The following DOCK8 variants were observed in gnomAD, a reference collection of about 807,000 sequenced individuals.
The protein encoded by DOCK8 is dedicator of cytokinesis 8, also known as dedicator of cytokinesis protein 8.
In DOCK8, 141 loss-of-function variants were observed where a neutral mutation model predicts 245.6. That is an observed-to-expected ratio of 0.57 (90% CI 0.50 to 0.66). DOCK8 has a LOEUF of 0.66. Ranked by LOEUF, DOCK8 falls within the 30% of genes least tolerant of loss-of-function variation. The pLI, the probability that DOCK8 is intolerant of heterozygous loss-of-function variation, is 0.00. For missense variants in DOCK8, 2,965 were observed against 2,603.4 expected (o/e 1.14, Z -3.02); for synonymous variants, 1,168 against 970.2 (o/e 1.20, Z -3.79).
At chr9:336,347 G>A (rs916811146) in intron 11 of DOCK8, among the ~76,000 whole-genome samples, 11 of 152,214 alleles carry the variant, frequency 7.2e-5, no homozygotes, top group African/African-American at 2.2e-4. Flanking sequence ...TTTCCATGTG[G>A]GAGGGGCCCA....
At chr9:450,493 C>T (rs113097595) in intron 45 of DOCK8, among the ~76,000 whole-genome samples, 1 of 152,198 alleles carries the variant, frequency 6.6e-6, no homozygotes, top group Non-Finnish European at 1.5e-5. Flanking sequence ...CAGCATGGTG[C>T]TCAAGCAGTC....
At chr9:242,105 C>T (rs971626550) in intron 1 of DOCK8, among the ~76,000 whole-genome samples, 1 of 152,198 alleles carries the variant, frequency 6.6e-6, no homozygotes, top group Non-Finnish European at 1.5e-5. Context: ...TTAGACGAAT[C>T]ATACATTTCA....
intron 30 of DOCK8, chr9:420,082 C>T (rs1022431085): frequency 2.9e-5 from 12 of 413,122 alleles, no homozygotes; most frequent in Admixed American, 2.5e-4. Flanking sequence ...GATTGCAGCA[C>T]GCATGATCAA....
intron 9 of DOCK8, among the ~76,000 whole-genome samples, chr9:329,681 A>G (rs1378967110): frequency 1.3e-5 from 2 of 152,204 alleles, no homozygotes; most frequent in Non-Finnish European, 2.9e-5. Context: ...TCAGCCTAGG[A>G]AACTGAAGAA....
chr9:430,548 C>T (rs906265982), intron 36 of DOCK8, among the ~76,000 whole-genome samples: 2 of 151,094 alleles, frequency 1.3e-5, no homozygotes, highest in African/African-American at 4.9e-5. Flanking sequence ...GGTGTGGTGG[C>T]ACACACGCCC....
rs750973745 is a variant in DOCK8 at position 286,500 on chromosome 9, G to A, written c.196G>A (p.Gly66Arg). ...YDPVEPVDFE[G>R]LLMTHLNSLD... is the part of the protein sequence containing the mutation. ...CCCTGTGGAGCCAGTGGACTTTGAA[G>A]GACTTCTGATGACACACCTGAACAG... Residue 66 changes from glycine to arginine, a missense_variant, in exon 3 of 48, where the codon GGA becomes AGA. Gly to Arg is a moderately radical substitution (Grantham distance 125, BLOSUM62 -2). Coordinates refer to ENST00000432829, the MANE Select transcript of DOCK8 (RefSeq NM_203447.4). The A allele has an allele frequency of 6.2e-7, 1 of 1,614,016 alleles. No homozygotes were observed. Among genetic ancestry groups the A allele is most frequent in the East Asian group, 2.2e-5 (1 of 44,882 alleles).
chr9:231,112 C>A (rs990717397), intron 1 of DOCK8, among the ~76,000 whole-genome samples: 1 of 152,150 alleles, frequency 6.6e-6, no homozygotes, highest in African/African-American at 2.4e-5. Context: ...TTTCAGCTTT[C>A]TACATATGGC....
chr9:282,980 T>C (rs201228744), intron 2 of DOCK8, among the ~76,000 whole-genome samples: 123 of 152,358 alleles, frequency 8.1e-4, no homozygotes, highest in Middle Eastern at 3.4e-3. Flanking sequence ...GCCAATCTTA[T>C]GAGAAGCTCA....
At chr9:263,917 A>G (rs2047980072) in intron 1 of DOCK8, among the ~76,000 whole-genome samples, 3 of 152,206 alleles carry the variant, frequency 2.0e-5, no homozygotes, top group Admixed American at 1.3e-4. Context: ...TGATGTGTCT[A>G]GGTTTGATTT....
At chr9:267,646 G>C (rs914131311) in intron 1 of DOCK8, among the ~76,000 whole-genome samples, 1 of 152,160 alleles carries the variant, frequency 6.6e-6, no homozygotes, top group African/African-American at 2.4e-5. Flanking sequence ...TTATACTGTT[G>C]TGTGTTTGTA....
intron 26 of DOCK8, among the ~76,000 whole-genome samples, chr9:400,985 T>TCCACCATCACCA (rs2055043609): frequency 1.3e-5 from 1 of 75,834 alleles, no homozygotes; most frequent in East Asian, 4.4e-4. Context: ...CATCACCACC[T>TCCACCATCACCA]CCTCCACCAC....
At chr9:400,862 TCCACCA>T (rs2054976788) in intron 26 of DOCK8, among the ~76,000 whole-genome samples, 2 of 61,248 alleles carry the variant, frequency 3.3e-5, no homozygotes, top group Non-Finnish European at 5.7e-5. Context: ...CACCACCTCC[TCCACCA>T]TCACCACCAC....
intron 1 of DOCK8, among the ~76,000 whole-genome samples, chr9:217,185 G>A (rs1438914850): frequency 6.6e-6 from 1 of 152,196 alleles, no homozygotes; most frequent in Admixed American, 6.5e-5. Flanking sequence ...TGCTTGTAGT[G>A]TCTGGCTCAG....
In DOCK8 at chr9:414,966, G is replaced by A. The variant is rs550285364; in HGVS notation, c.3700+15G>A. On this transcript the variant is annotated intron_variant, in intron 29 of 47. Transcript: ENST00000432829. The stretch of plus-strand genomic sequence containing the variant: ...TGACTTTACAGGTAATGGCCCTTCT[G>A]TTTTCTTTCTTGGATTGTTGGGGGC... 1 of 1,612,636 alleles carries A rather than the reference G, an allele frequency of 6.2e-7. No homozygotes were observed. The highest frequency in any genetic ancestry group is 1.3e-5 in the African/African-American group (1 of 74,970).
chr9:420,186 C>A, intron 30 of DOCK8: 1 of 609,016 alleles, frequency 1.6e-6, no homozygotes, highest in South Asian at 1.9e-5. Context: ...CCCAGGTGAG[C>A]CTCTTTGCTG....
chr9:253,120 A>G lies in DOCK8; in HGVS notation c.54-18507A>G, dbSNP rs559033811. 4.6e-5 allele frequency among the ~76,000 whole-genome samples: 7 copies of G among 152,210 alleles called. No individual in the cohort carries two copies. The South Asian group carries it at 1.5e-3, about 32-fold the overall frequency. On this transcript the variant is annotated intron_variant, in intron 1 of 47. Transcript: ENST00000432829. ...CACCATTGCTTTTTTGGGACCCATT[A>G]TCTTCCTTAGCTTCCTATGCATCTA... is the stretch of plus-strand genomic sequence containing the variant.
chr9:308,927 G>C (rs7043443), intron 5 of DOCK8, among the ~76,000 whole-genome samples: 2 of 152,316 alleles, frequency 1.3e-5, no homozygotes, highest in East Asian at 3.9e-4. Flanking sequence ...AAAGTGCTGA[G>C]ATTACAGGCA....
chr9:292,394 A>AAC (rs2049082127), intron 4 of DOCK8, among the ~76,000 whole-genome samples: 1 of 149,760 alleles, frequency 6.7e-6, no homozygotes, highest in Non-Finnish European at 1.5e-5. Flanking sequence ...TCTCAAAAAA[A>AAC]AAAAAAAAAA....
chr9:428,754 A>G (rs527345724), intron 35 of DOCK8, among the ~76,000 whole-genome samples: 1 of 152,316 alleles, frequency 6.6e-6, no homozygotes, highest in East Asian at 1.9e-4. Flanking sequence ...CTGAAGGTCT[A>G]TGACATGAGA....
Sources: allele counts gnomAD v4.1 joint callset (sites outside exome capture counted in the v4.1 genomes callset), GRCh38; gene constraint gnomAD v4.1.1; transcripts MANE v1.5; gene names NCBI Gene and HGNC (gene_info 2026-07-23, HGNC 2026-07-21).